The following RBFOX1 variants were observed in gnomAD, a reference collection of about 807,000 sequenced individuals.
RBFOX1 encodes RNA binding protein fox-1 homolog 1.
In RBFOX1, 8 loss-of-function variants were observed where a neutral mutation model predicts 57.7. The observed-to-expected ratio is 0.14, with a 90% confidence interval of 0.08 to 0.25. RBFOX1 has a LOEUF of 0.25. Ranked by LOEUF, RBFOX1 falls within the 10% of genes least tolerant of loss-of-function variation. RBFOX1 has a pLI of 1.00. For missense variants in RBFOX1, 611 were observed against 548.5 expected, an observed-to-expected ratio of 1.11 and a Z score of -1.14; for synonymous variants, 326 against 222.4, an observed-to-expected ratio of 1.47 and a Z score of -4.15.
intron 3 of RBFOX1, among the ~76,000 whole-genome samples, chr16:5,635,108 A>G (rs544845957): frequency 6.6e-6 from 1 of 152,166 alleles, no homozygotes; most frequent in Non-Finnish European, 1.5e-5. Flanking sequence ...ACAGTGTATC[A>G]CTGAACTACA....
At chr16:6,498,098 A>G (rs563175325) in intron 2 of RBFOX1, among the ~76,000 whole-genome samples, 1 of 151,900 alleles carries the variant, frequency 6.6e-6, no homozygotes, top group Non-Finnish European at 1.5e-5. Flanking sequence ...AAAATGTTAT[A>G]AAAAATAGCC....
intron 1 of RBFOX1, among the ~76,000 whole-genome samples, chr16:6,221,068 G>A (rs1226715437): frequency 1.3e-5 from 2 of 151,928 alleles, no homozygotes; most frequent in African/African-American, 4.8e-5. Flanking sequence ...GCCCCAACGG[G>A]TAACTTTTTC....
chr16:6,023,242 A>G (rs780891900), intron 1 of RBFOX1, among the ~76,000 whole-genome samples: 3 of 146,178 alleles, frequency 2.1e-5, no homozygotes, highest in African/African-American at 5.1e-5. Context: ...ACTCTGCCCT[A>G]TTTTTCTTCT....
chr16:5,627,824 C>A (rs1596504540), intron 3 of RBFOX1, among the ~76,000 whole-genome samples: 1 of 152,166 alleles, frequency 6.6e-6, no homozygotes, highest in Non-Finnish European at 1.5e-5. Flanking sequence ...AGCATAGGTT[C>A]TATGCAAATA....
At chr16:6,331,576 G>A (rs751538926) in intron 2 of RBFOX1, among the ~76,000 whole-genome samples, 2 of 138,286 alleles carry the variant, frequency 1.4e-5, no homozygotes, top group African/African-American at 5.5e-5. Flanking sequence ...ATATGTGTGT[G>A]TGTATATATA....
At chr16:5,551,357 C>T (rs1054710819) in intron 2 of RBFOX1, among the ~76,000 whole-genome samples, 16 of 152,188 alleles carry the variant, frequency 1.1e-4, no homozygotes, top group African/African-American at 3.9e-4. Context: ...CTCCCTGAAG[C>T]CCTAGATGCT....
Position 7,093,288 on chromosome 16 carries a change from C to T in RBFOX1, c.27+41190C>T, listed in dbSNP as rs191574523. On this transcript the variant is annotated intron_variant, in intron 4 of 15. Coordinates refer to ENST00000550418, the MANE Select transcript of RBFOX1 (RefSeq NM_018723.4). ...GTTCATTATATTATCCCTTATCTTT[C>T]TTGACTGTGATGTATACTGAGCTTG... Among the ~76,000 whole-genome samples the T allele has an allele frequency of 3.3e-5, 5 of 152,260 alleles. No homozygotes were observed. In the East Asian group the frequency reaches 9.7e-4, roughly 30 times the overall value.
At chr16:5,451,236 C>T (rs2068417266) in intron 1 of RBFOX1, among the ~76,000 whole-genome samples, 1 of 152,142 alleles carries the variant, frequency 6.6e-6, no homozygotes, top group Non-Finnish European at 1.5e-5. Context: ...AATTCCACCC[C>T]CACTTCACTC....
chr16:5,389,371 TG>T (rs1034452943), intron 1 of RBFOX1, among the ~76,000 whole-genome samples: 6 of 152,144 alleles, frequency 3.9e-5, no homozygotes, highest in African/African-American at 1.4e-4. Flanking sequence ...CATTCTGTTG[TG>T]GGGGTTGCCT....
intron 3 of RBFOX1, among the ~76,000 whole-genome samples, chr16:5,769,665 G>A (rs1395978539): frequency 6.6e-6 from 1 of 151,900 alleles, no homozygotes; most frequent in Non-Finnish European, 1.5e-5. Context: ...AAAAGGAGGA[G>A]AAATTTGGAC....
chr16:7,595,115 G>A (rs1191299717), intron 7 of RBFOX1, among the ~76,000 whole-genome samples: 1 of 152,046 alleles, frequency 6.6e-6, no homozygotes, highest in African/African-American at 2.4e-5. Context: ...AGAGGATTTT[G>A]GCATTCATTG....
chr16:5,774,758 C>G (rs1024179945), intron 3 of RBFOX1, among the ~76,000 whole-genome samples: 1 of 152,172 alleles, frequency 6.6e-6, no homozygotes, highest in Non-Finnish European at 1.5e-5. Flanking sequence ...TCTTGGCTCA[C>G]GGCAACTTCC....
chr16:7,251,694 A>G (rs1337852841), intron 4 of RBFOX1, among the ~76,000 whole-genome samples: 4 of 152,158 alleles, frequency 2.6e-5, no homozygotes, highest in South Asian at 2.1e-4. Flanking sequence ...TCGTGGGATT[A>G]CAGGCATGAG....
intron 3 of RBFOX1, among the ~76,000 whole-genome samples, chr16:6,900,801 A>G (rs1481487218): frequency 1.3e-5 from 2 of 152,172 alleles, no homozygotes; most frequent in African/African-American, 4.8e-5. Context: ...ACACAATGCC[A>G]TTCCTAATAT....
Position 6,585,088 on chromosome 16 carries a change from T to C in RBFOX1, c.-63-69515T>C, listed in dbSNP as rs2097588466. 1.3e-5 allele frequency among the ~76,000 whole-genome samples: 2 copies of C among 152,184 alleles called. 1 individual carries two copies. Among genetic ancestry groups the C allele is most frequent in the South Asian group, 4.1e-4 (2 of 4,832 alleles). On this transcript the variant is annotated intron_variant, in intron 2 of 15. Coordinates refer to ENST00000550418, the MANE Select transcript of RBFOX1 (RefSeq NM_018723.4). ...AGACACAGAGAGCTTGGCATCTCTG[T>C]GCACTTTCATAATACACAATGGTTA...
intron 2 of RBFOX1, among the ~76,000 whole-genome samples, chr16:6,486,911 G>A (rs2095495722): frequency 6.6e-6 from 1 of 152,064 alleles, no homozygotes; most frequent in Admixed American, 6.6e-5. Flanking sequence ...AATCAGAATA[G>A]CAGTCTCAAG....
At chr16:7,208,705 C>T (rs1220248180) in intron 4 of RBFOX1, among the ~76,000 whole-genome samples, 3 of 152,104 alleles carry the variant, frequency 2.0e-5, no homozygotes, top group Non-Finnish European at 1.5e-5. Flanking sequence ...GGCATGATGG[C>T]ATATACCTGT....
At chr16:6,049,061 T>TC (rs2095524728) in intron 1 of RBFOX1, among the ~76,000 whole-genome samples, 3 of 150,560 alleles carry the variant, frequency 2.0e-5, no homozygotes, top group Admixed American at 6.6e-5. Context: ...AGCTTTTTTT[T>TC]TTTTTTTTTT....
At chr16:6,856,980 G>A (rs557463518) in intron 3 of RBFOX1, among the ~76,000 whole-genome samples, 1 of 152,262 alleles carries the variant, frequency 6.6e-6, no homozygotes, top group Non-Finnish European at 1.5e-5. Flanking sequence ...CAAAGAGAAG[G>A]AGGACTTGAG....
Sources: gnomAD v4.1 joint callset for allele counts (sites outside exome capture counted in the v4.1 genomes callset) on GRCh38, gnomAD v4.1.1 for gene constraint, MANE v1.5 for transcripts, NCBI Gene and HGNC (gene_info 2026-07-23, HGNC 2026-07-21) for gene names.